The following SLC26A8 variants were observed in gnomAD, a reference collection of about 807,000 sequenced individuals.
SLC26A8 encodes the protein solute carrier family 26 member 8, also known as testis anion transporter 1.
Under a neutral mutation model 105.0 loss-of-function variants are expected in SLC26A8, and 70 were observed. The ratio of observed to expected loss-of-function variants is 0.67; its 90% CI spans 0.55 to 0.81. The LOEUF (loss-of-function observed/expected upper bound fraction) is 0.81, where lower values mean the gene tolerates loss of function less well. Ranked by LOEUF, SLC26A8 falls within the 40% of genes least tolerant of loss-of-function variation. The probability of loss-of-function intolerance (pLI) is 0.00; values close to 1 mark genes in which losing one functional copy is unlikely to be tolerated. For missense variants in SLC26A8, 998 were observed against 1,181.8 expected (o/e 0.84, Z 2.28); for synonymous variants, 415 against 438.3 (o/e 0.95, Z 0.66).
chr6:35,951,835 C>T (rs1291793489), intron 17 of SLC26A8, among the ~76,000 whole-genome samples: 1 of 152,212 alleles, frequency 6.6e-6, no homozygotes, highest in African/African-American at 2.4e-5. Flanking sequence ...CTCGACGTCC[C>T]AAAATGCTGG....
At chr6:36,006,486 G>A (rs1029077532) in intron 3 of SLC26A8, among the ~76,000 whole-genome samples, 9 of 152,140 alleles carry the variant, frequency 5.9e-5, no homozygotes, top group African/African-American at 2.2e-4. Flanking sequence ...TGTGGTGAAT[G>A]CTAGATATTA....
chr6:35,987,911 C>CTTTTTTT (rs34557500), intron 7 of SLC26A8, among the ~76,000 whole-genome samples: 1 of 132,066 alleles, frequency 7.6e-6, no homozygotes. Context: ...ACCTTTCTTT[C>CTTTTTTT]TTTTTTTTTT....
intron 7 of SLC26A8, among the ~76,000 whole-genome samples, chr6:35,982,714 C>A (rs1171771568): frequency 6.6e-6 from 1 of 152,174 alleles, no homozygotes; most frequent in Non-Finnish European, 1.5e-5. Flanking sequence ...ATCAAGTTTT[C>A]AGTTTCAAAA....
In SLC26A8 at chr6:35,999,554, G is replaced by C. The variant is rs148257072; in HGVS notation, c.445+438C>G. On this transcript the variant is annotated intron_variant, in intron 4 of 19. Coordinates refer to ENST00000490799, the MANE Select transcript of SLC26A8 (RefSeq NM_052961.4). ...GGAAGTACTTATCCTATGGATGTCA[G>C]TGTTTTGATTACTGTGATAACATTT... Among the ~76,000 whole-genome samples the C allele has an allele frequency of 4.6e-4, 70 of 152,326 alleles. No homozygotes were observed. In the Middle Eastern group the frequency reaches 0.014, roughly 30 times the overall value.
At chr6:35,953,721 C>T (rs188906256) in intron 17 of SLC26A8, among the ~76,000 whole-genome samples, 1 of 152,142 alleles carries the variant, frequency 6.6e-6, no homozygotes, top group Non-Finnish European at 1.5e-5. Flanking sequence ...CTCTTCCAAA[C>T]CTCTCATTTT....
At chr6:35,964,351 T>G (rs1372988197) in intron 11 of SLC26A8, among the ~76,000 whole-genome samples, 5 of 152,206 alleles carry the variant, frequency 3.3e-5, no homozygotes, top group African/African-American at 1.2e-4. Flanking sequence ...TTTCAGAAAT[T>G]TATCCTAAAT....
At chr6:36,010,097 A>C (rs1199608229) in intron 3 of SLC26A8, among the ~76,000 whole-genome samples, 1 of 152,236 alleles carries the variant, frequency 6.6e-6, no homozygotes, top group Non-Finnish European at 1.5e-5. Flanking sequence ...ATCCAGCTCC[A>C]GCTTAGTAAA....
At chr6:35,977,532 GAA>G (rs760610456) in intron 8 of SLC26A8, among the ~76,000 whole-genome samples, 181 bp from the exon 9 acceptor site, 74 of 151,756 alleles carry the variant, frequency 4.9e-4, no homozygotes, top group Non-Finnish European at 7.7e-4. Flanking sequence ...GCCAAGTTAT[GAA>G]AGCCATTGAG....
intron 5 of SLC26A8, among the ~76,000 whole-genome samples, chr6:35,993,746 T>C (rs1761259380): frequency 1.3e-5 from 2 of 152,024 alleles, no homozygotes; most frequent in Admixed American, 1.3e-4. Flanking sequence ...CACAATTAGG[T>C]TGGGTGTGGT....
intron 3 of SLC26A8, among the ~76,000 whole-genome samples, chr6:36,002,458 T>C (rs946517516): frequency 6.6e-6 from 1 of 152,184 alleles, no homozygotes; most frequent in Non-Finnish European, 1.5e-5. Flanking sequence ...GTTGTGCAAT[T>C]TATACTCCCA....
intron 3 of SLC26A8, among the ~76,000 whole-genome samples, chr6:36,005,407 T>TC (rs1410588374): frequency 6.6e-6 from 1 of 152,198 alleles, no homozygotes; most frequent in African/African-American, 2.4e-5. Context: ...AGTTGTTATT[T>TC]CCCCTTATTC....
At chr6:36,003,899 G>T (rs1195917215) in intron 3 of SLC26A8, among the ~76,000 whole-genome samples, 1 of 151,918 alleles carries the variant, frequency 6.6e-6, no homozygotes, top group Non-Finnish European at 1.5e-5. Flanking sequence ...CTGACCTCAT[G>T]ATCTGCCTGC....
chr6:35,988,021 C>T (rs147516184), intron 7 of SLC26A8, among the ~76,000 whole-genome samples: 434 of 151,180 alleles, frequency 2.9e-3, no homozygotes, highest in African/African-American at 9.3e-3. Flanking sequence ...AGTGATTCTC[C>T]TGCCTTAGCC....
At chr6:36,003,353 A>G (rs1761581259) in intron 3 of SLC26A8, among the ~76,000 whole-genome samples, 1 of 152,170 alleles carries the variant, frequency 6.6e-6, no homozygotes, top group Non-Finnish European at 1.5e-5. Context: ...TGTGATTCAT[A>G]TACGTGTGAC....
Position 36,012,378 on chromosome 6 carries a change from A to T in SLC26A8, c.189-6T>A, listed in dbSNP as rs1005313781. ...GGAACCTGTGCCATGAGCAGCTGTG[A>T]GAGAGAGGAGCAGAGACTTGGTTAG... On this transcript the variant is annotated splice_polypyrimidine_tract_variant and splice_region_variant and intron_variant, in intron 2 of 19. Transcript: ENST00000490799. 6.4e-7 allele frequency: 1 copy of T among 1,566,624 alleles called. No homozygotes were observed. The highest frequency in any genetic ancestry group is 8.6e-7 in the Non-Finnish European group (1 of 1,162,912).
chr6:35,983,462 C>A (rs187533864), intron 7 of SLC26A8, among the ~76,000 whole-genome samples: 3 of 152,014 alleles, frequency 2.0e-5, no homozygotes, highest in African/African-American at 7.2e-5. Flanking sequence ...TTTCTTATAG[C>A]CAAGGGACCC....
chr6:35,978,975 G>C (rs1423348018), intron 8 of SLC26A8, among the ~76,000 whole-genome samples: 4 of 144,782 alleles, frequency 2.8e-5, no homozygotes, highest in African/African-American at 1.0e-4. Context: ...CAAGTAGCTA[G>C]GATTTCAGAT....
At chr6:36,009,377 C>T (rs942912728) in intron 3 of SLC26A8, among the ~76,000 whole-genome samples, 12 of 151,758 alleles carry the variant, frequency 7.9e-5, no homozygotes, top group East Asian at 7.8e-4. Flanking sequence ...ACAACAACAA[C>T]AACAACAAAC....
At position 35,943,988 on chromosome 6, in the gene SLC26A8, T is replaced by A. The variant is rs1771571908; in HGVS notation, c.2825A>T (p.Gln942Leu). The A allele has an allele frequency of 6.2e-7, 1 of 1,614,090 alleles. No homozygotes were observed. Among genetic ancestry groups the A allele is most frequent in the South Asian group, 1.1e-5 (1 of 91,094 alleles). ...YHPSMASTQS[Q>L]TQTRTWSVER... Reference sequence around the variant, plus strand: ...CACTGACCATGTCCGAGTCTGAGTCTGAGACTGGGTGGAAGCCATAGACGG... The same window carrying A: ...CACTGACCATGTCCGAGTCTGAGTCAGAGACTGGGTGGAAGCCATAGACGG... Residue 942 changes from glutamine to leucine, a missense_variant, in exon 20 of 20, where the codon CAG (glutamine) becomes CTG (leucine). Physicochemically the swap from Gln to Leu is moderately radical, Grantham distance 113. Transcript: ENST00000490799.
Sources: allele counts gnomAD v4.1 joint callset (sites outside exome capture counted in the v4.1 genomes callset), GRCh38; gene constraint gnomAD v4.1.1; transcripts MANE v1.5; gene names NCBI Gene and HGNC (gene_info 2026-07-23, HGNC 2026-07-21).